Variants in NRXN1 observed in about 807,000 individuals in gnomAD.
NRXN1 encodes neurexin 1, also known as neurexin-1.
A neutral mutation model predicts 150.9 loss-of-function variants in NRXN1; 39 were observed. The observed-to-expected ratio is 0.26, with a 90% confidence interval of 0.20 to 0.34. NRXN1 has a LOEUF of 0.34. Among genes scored for constraint, NRXN1 ranks in the 10% least tolerant of loss-of-function variants. NRXN1 has a pLI of 1.00. For missense variants in NRXN1, 1,815 were observed against 1,949.9 expected (o/e 0.93, Z 1.30); for synonymous variants, 924 against 757.0 (o/e 1.22, Z -3.62).
chr2:50,369,259 C>A (rs78443944), intron 17 of NRXN1, among the ~76,000 whole-genome samples: 2,216 of 151,984 alleles, frequency 0.015, 54 homozygotes, highest in African/African-American at 0.048. Flanking sequence ...AACCAAAAAA[C>A]CCGAATGAAT....
chr2:51,009,000 G>C (rs188792438), intron 2 of NRXN1, among the ~76,000 whole-genome samples: 12 of 151,912 alleles, frequency 7.9e-5, no homozygotes, highest in African/African-American at 2.9e-4. Context: ...TTTGTGGAAA[G>C]GCAAAAATTA....
At chr2:50,192,612 G>T (rs936283707) in intron 18 of NRXN1, among the ~76,000 whole-genome samples, 3 of 151,368 alleles carry the variant, frequency 2.0e-5, no homozygotes, top group Admixed American at 6.6e-5. Flanking sequence ...CTTTTTTTTG[G>T]GGGGGGCGGT....
intron 2 of NRXN1, among the ~76,000 whole-genome samples, chr2:50,960,058 T>C (rs924463037): frequency 6.6e-6 from 1 of 152,068 alleles, no homozygotes; most frequent in Non-Finnish European, 1.5e-5. Context: ...ACTCTTCCAC[T>C]GTTCTCAAAA....
intron 17 of NRXN1, among the ~76,000 whole-genome samples, chr2:50,327,915 C>G (rs1478292180): frequency 6.6e-6 from 1 of 152,212 alleles, no homozygotes; most frequent in African/African-American, 2.4e-5. Flanking sequence ...TCCCAAAATG[C>G]TGGGATTACA....
chr2:50,779,274 G>A (rs1704038861), intron 5 of NRXN1, among the ~76,000 whole-genome samples: 1 of 152,074 alleles, frequency 6.6e-6, no homozygotes, highest in Non-Finnish European at 1.5e-5. Flanking sequence ...TGAAGTGTCT[G>A]GTTTTCTGTT....
At chr2:50,256,634 A>T (rs1450663160) in intron 17 of NRXN1, among the ~76,000 whole-genome samples, 1 of 152,028 alleles carries the variant, frequency 6.6e-6, no homozygotes, top group Non-Finnish European at 1.5e-5. Context: ...ACCCCTATCC[A>T]CTTTACTTTC....
At chr2:50,454,611 T>C (rs1192513983) in intron 17 of NRXN1, among the ~76,000 whole-genome samples, 2 of 151,430 alleles carry the variant, frequency 1.3e-5, no homozygotes, top group African/African-American at 2.4e-5. Flanking sequence ...TCCTGCCAGA[T>C]GTGATGTGAC....
chr2:50,376,547 A>G (rs1449073393), intron 17 of NRXN1, among the ~76,000 whole-genome samples: 2 of 152,272 alleles, frequency 1.3e-5, no homozygotes, highest in African/African-American at 4.8e-5. Context: ...GAGTCAAAAC[A>G]TGTTTTTCTA....
chr2:50,522,908 ATTT>A (rs1399603587), intron 12 of NRXN1, among the ~76,000 whole-genome samples: 1 of 131,252 alleles, frequency 7.6e-6, no homozygotes, highest in Non-Finnish European at 1.6e-5. Context: ...GTTTTTTTGT[ATTT>A]TTAGTAGAGA....
chr2:50,051,917 A>T (rs1049290879), intron 21 of NRXN1, among the ~76,000 whole-genome samples: 1 of 152,106 alleles, frequency 6.6e-6, no homozygotes, highest in Non-Finnish European at 1.5e-5. Flanking sequence ...AACGAAAAGA[A>T]AAGAGAGAAA....
intron 5 of NRXN1, among the ~76,000 whole-genome samples, chr2:50,883,000 C>T (rs192604155): frequency 5.4e-4 from 82 of 151,688 alleles, no homozygotes; most frequent in Non-Finnish European, 9.0e-4. Flanking sequence ...GTCATAGTAG[C>T]GAATGTTAAC....
At chr2:49,945,180 T>C (rs1352285539) in intron 21 of NRXN1, 1 of 151,982 alleles carries the variant, frequency 6.6e-6, no homozygotes, top group Non-Finnish European at 1.5e-5. Flanking sequence ...ATTGGGAGAG[T>C]TTCTGGATTC....
chr2:50,126,627 A>C (rs575352209), intron 18 of NRXN1, among the ~76,000 whole-genome samples: 49 of 152,264 alleles, frequency 3.2e-4, no homozygotes, highest in African/African-American at 1.1e-3. Context: ...AAATACTTGA[A>C]GCAAATAAAT....
At chr2:50,129,680 T>C (rs916634586) in intron 18 of NRXN1, among the ~76,000 whole-genome samples, 3 of 152,180 alleles carry the variant, frequency 2.0e-5, no homozygotes, top group Non-Finnish European at 4.4e-5. Flanking sequence ...ATTTGGTTCC[T>C]TTAAAAAAGG....
chr2:50,876,898 T>G (rs960489125), intron 5 of NRXN1, among the ~76,000 whole-genome samples: 1 of 151,876 alleles, frequency 6.6e-6, no homozygotes, highest in Admixed American at 6.6e-5. Context: ...AAAAATAATC[T>G]GATTCTTTTA....
chr2:50,649,121 A>T (rs1423986194), intron 5 of NRXN1, among the ~76,000 whole-genome samples: 2 of 152,012 alleles, frequency 1.3e-5, no homozygotes, highest in African/African-American at 4.8e-5. Flanking sequence ...TTACTTTATG[A>T]ACCCATAGGA....
intron 8 of NRXN1, among the ~76,000 whole-genome samples, chr2:50,573,558 A>T (rs1282902699): frequency 6.6e-6 from 1 of 152,064 alleles, no homozygotes. Context: ...AACATTTCAG[A>T]TGCTAACAAT....
chr2:49,985,408 T>G (rs540461066), intron 21 of NRXN1, among the ~76,000 whole-genome samples: 2 of 152,268 alleles, frequency 1.3e-5, no homozygotes, highest in African/African-American at 4.8e-5. Flanking sequence ...TTCTTAGAAT[T>G]TTCCTCCTTT....
chr2:50,248,831 A>C (rs963397354), intron 17 of NRXN1, among the ~76,000 whole-genome samples: 6 of 152,092 alleles, frequency 3.9e-5, no homozygotes, highest in Non-Finnish European at 7.4e-5. Context: ...GTGTAAACAA[A>C]TACTTGTATG....
Sources: allele counts gnomAD v4.1 joint callset (sites outside exome capture counted in the v4.1 genomes callset), GRCh38; gene constraint gnomAD v4.1.1; transcripts MANE v1.5; gene names NCBI Gene and HGNC (gene_info 2026-07-23, HGNC 2026-07-21).